Variants in SH3BP5 observed in about 807,000 individuals in gnomAD.
SH3BP5 encodes SH3 domain-binding protein 5.
In SH3BP5, 22 loss-of-function variants were observed where a neutral mutation model predicts 43.3. That is an observed-to-expected ratio of 0.51 (90% CI 0.36 to 0.73). The LOEUF (loss-of-function observed/expected upper bound fraction) is 0.73. Among genes scored for constraint, SH3BP5 ranks in the 30% least tolerant of loss-of-function variants. The probability of loss-of-function intolerance (pLI) is 0.00; values close to 1 mark genes in which losing one functional copy is unlikely to be tolerated. For missense variants in SH3BP5, 529 were observed against 586.9 expected (o/e 0.90, Z 1.02); for synonymous variants, 255 against 225.8 (o/e 1.13, Z -1.16).
intron 3 of SH3BP5, among the ~76,000 whole-genome samples, chr3:15,288,217 G>A (rs924351355): frequency 4.6e-5 from 7 of 152,250 alleles, no homozygotes; most frequent in Non-Finnish European, 8.8e-5. Flanking sequence ...GAGGGCAATC[G>A]GCTTTACTCT....
At chr3:15,312,333 G>A (rs2688673) in intron 2 of SH3BP5, among the ~76,000 whole-genome samples, 123,674 of 152,214 alleles carry the variant, frequency 0.81, 50,603 homozygotes, top group African/African-American at 0.9. Flanking sequence ...TCCATAAAAT[G>A]TATTATTTTT....
At chr3:15,297,693 A>T (rs1375168704) in intron 3 of SH3BP5, among the ~76,000 whole-genome samples, 1 of 152,060 alleles carries the variant, frequency 6.6e-6, no homozygotes, top group Non-Finnish European at 1.5e-5. Flanking sequence ...TCAACACTGT[A>T]TGAAAATGAC....
chr3:15,335,566 T>C (rs1323768818), upstream of SH3BP5, among the ~76,000 whole-genome samples: 1 of 145,644 alleles, frequency 6.9e-6, no homozygotes, highest in Non-Finnish European at 1.5e-5. Flanking sequence ...AGGGAGACCC[T>C]ATCTCAAAAA....
At chr3:15,320,385 G>T (rs528750335) in intron 2 of SH3BP5, among the ~76,000 whole-genome samples, 13 of 152,126 alleles carry the variant, frequency 8.5e-5, no homozygotes, top group Admixed American at 7.2e-4. Context: ...TTAAGGAAAT[G>T]AAAGAGGCTG....
rs1696129609 is a variant in SH3BP5 at position 15,254,631 on chromosome 3, T to C, written c.*1455A>G. The C allele has an allele frequency of 6.6e-6, 1 of 152,270 alleles. No individual in the cohort carries two copies. Among genetic ancestry groups the C allele is most frequent in the Non-Finnish European group, 1.5e-5 (1 of 68,054 alleles). The allele number at this position is 152,270 out of a possible 1,614,324, so 9.4% of individuals were successfully genotyped here. ...CTCCAGCGTCACCACCTCGTCTTTA[T>C]CTGCCACTGTGTCTCCTCATTGCCC... On this transcript the variant is annotated 3_prime_UTR_variant, in exon 9 of 9. Transcript: ENST00000383791.
At chr3:15,294,979 T>C (rs1236523353) in intron 3 of SH3BP5, among the ~76,000 whole-genome samples, 1 of 152,162 alleles carries the variant, frequency 6.6e-6, no homozygotes, top group African/African-American at 2.4e-5. Context: ...ATCTCTGCTC[T>C]TCTGTCTTTA....
intron 3 of SH3BP5, among the ~76,000 whole-genome samples, chr3:15,295,970 T>TAAATAA (rs4036831): frequency 0.47 from 71,229 of 151,456 alleles, 20,737 homozygotes; most frequent in Non-Finnish European, 0.64. Flanking sequence ...AGAAACACAC[T>TAAATAA]AAATAAGGGG....
At chr3:15,316,659 T>C (rs1003940027) in intron 2 of SH3BP5, among the ~76,000 whole-genome samples, 1 of 151,912 alleles carries the variant, frequency 6.6e-6, no homozygotes, top group Non-Finnish European at 1.5e-5. Context: ...TGGGTATTCA[T>C]GTGTGAGATA....
At chr3:15,319,301 T>C (rs1377156499) in intron 2 of SH3BP5, among the ~76,000 whole-genome samples, 1 of 152,248 alleles carries the variant, frequency 6.6e-6, no homozygotes. Context: ...CTGGGAATAC[T>C]AACCAAAGTC....
Position 15,254,811 on chromosome 3 carries a change from C to G in SH3BP5, c.*1275G>C, listed in dbSNP as rs1205623078. 6.6e-6 allele frequency: 1 copy of G among 152,154 alleles called. No individual in the cohort carries two copies. The highest frequency in any genetic ancestry group is 2.4e-5 in the African/African-American group (1 of 41,434). The allele number at this position is 152,154 out of a possible 1,614,324, so 9.4% of individuals were successfully genotyped here. ...AAAAGGGTTGCCTAGAAGATTTAGG[C>G]AATACTGGGAGTTCTTATTTGAAGT... On this transcript the variant is annotated 3_prime_UTR_variant, in exon 9 of 9. Transcript: ENST00000383791.
In SH3BP5 at chr3:15,303,897, G is replaced by A. The variant is rs1697824025; in HGVS notation, c.330+206C>T. Among the ~76,000 whole-genome samples the A allele has an allele frequency of 2.0e-5, 3 of 152,108 alleles. No homozygotes were observed. The South Asian group carries it at 6.2e-4, about 31-fold the overall frequency. ...ACCAACTCAGGGAGAGCACCCACTTGCAGGGTCATCCAAATGCCAGCACTC... is the reference window on the plus strand; with the variant it reads ...ACCAACTCAGGGAGAGCACCCACTTACAGGGTCATCCAAATGCCAGCACTC... On this transcript the variant is annotated intron_variant, in intron 3 of 8. Transcript: ENST00000383791.
intron 4 of SH3BP5, among the ~76,000 whole-genome samples, chr3:15,265,790 G>A (rs1007790376): frequency 4.0e-5 from 6 of 151,806 alleles, no homozygotes; most frequent in South Asian, 2.1e-4. Flanking sequence ...CCCATACTCC[G>A]GAGCAGCATA....
chr3:15,295,375 A>C (rs1697539740), intron 3 of SH3BP5, among the ~76,000 whole-genome samples: 1 of 152,218 alleles, frequency 6.6e-6, no homozygotes, highest in Non-Finnish European at 1.5e-5. Flanking sequence ...ATGTCCAACA[A>C]GAAGCCACCC....
At chr3:15,299,763 G>T (rs115425713) in intron 3 of SH3BP5, among the ~76,000 whole-genome samples, 1,666 of 151,896 alleles carry the variant, frequency 0.011, 44 homozygotes, top group African/African-American at 0.036. Context: ...AGTGTGGGAG[G>T]TTTTTCCCTT....
chr3:15,280,566 G>A (rs1386120382), intron 3 of SH3BP5, among the ~76,000 whole-genome samples: 1 of 152,100 alleles, frequency 6.6e-6, no homozygotes, highest in African/African-American at 2.4e-5. Context: ...TCAAGCCTGG[G>A]TATTCTATCA....
chr3:15,323,472 G>A (rs1426534834), intron 2 of SH3BP5, among the ~76,000 whole-genome samples: 1 of 152,130 alleles, frequency 6.6e-6, no homozygotes. Flanking sequence ...GCACACAGGG[G>A]GCCCTCTTGT....
Position 15,257,046 on chromosome 3 carries a change from C to G in SH3BP5, c.957G>C (p.Gln319His). The G allele has an allele frequency of 6.2e-7, 1 of 1,614,170 alleles. No individual in the cohort carries two copies. The highest frequency in any genetic ancestry group is 2.2e-5 in the East Asian group (1 of 44,886). The change falls in exon 8 of 9, where the codon CAG (glutamine) becomes CAC (histidine). Residue 319 changes from glutamine to histidine, a missense_variant. Physicochemically the swap from Gln to His is conservative, Grantham distance 24. This residue lies in a region of SH3BP5 where 369 missense variants were observed against 384.3 expected (regional missense o/e 0.96). Transcript: ENST00000383791. Reference protein sequence around the residue: ...NFVSEDDSETQSVSSFSSGPT... With the variant: ...NFVSEDDSETHSVSSFSSGPT... ...GTCCTGAACTAAAGCTGGACACGGA[C>G]TGGGTTTCCGAGTCATCTTCAGACA...
chr3:15,273,046 G>C (rs372034110), intron 3 of SH3BP5: 1 of 778,700 alleles, frequency 1.3e-6, no homozygotes, highest in African/African-American at 1.9e-5. Context: ...TGCTGGGAAC[G>C]AGAGGAAGCA....
At chr3:15,290,123 C>T (rs937274539) in intron 3 of SH3BP5, among the ~76,000 whole-genome samples, 46 of 152,178 alleles carry the variant, frequency 3.0e-4, no homozygotes, top group African/African-American at 1.1e-3. Flanking sequence ...TTCCTCAGGC[C>T]GGGCACGGTG....
Sources: gnomAD v4.1 joint callset for allele counts (sites outside exome capture counted in the v4.1 genomes callset) on GRCh38, gnomAD v4.1.1 for gene constraint, gnomAD v4.1.1 regional missense constraint, MANE v1.5 for transcripts, NCBI Gene and HGNC (gene_info 2026-07-23, HGNC 2026-07-21) for gene names.